SCN11A: variants seen among roughly 807,000 people sequenced by gnomAD.
SCN11A encodes the protein sodium voltage-gated channel alpha subunit 11.
SCN11A carries 122 observed loss-of-function variants against 162.2 expected under a neutral mutation model. The ratio of observed to expected loss-of-function variants is 0.75; its 90% CI spans 0.65 to 0.87. The LOEUF (loss-of-function observed/expected upper bound fraction) is 0.87, where lower values mean the gene tolerates loss of function less well. Among genes scored for constraint, SCN11A ranks in the 40% least tolerant of loss-of-function variants. The pLI is 0.00. For synonymous variants in SCN11A, 758 were observed against 751.5 expected (o/e 1.01, Z -0.14); for missense variants, 2,015 against 2,181.6 (o/e 0.92, Z 1.52).
At chr3:39,044,370 A>AGCTG (rs1307829970) in intron 1 of SCN11A, among the ~76,000 whole-genome samples, 5 of 152,186 alleles carry the variant, frequency 3.3e-5, no homozygotes, top group African/African-American at 4.8e-5. Context: ...CAGAATACAC[A>AGCTG]TTCTTTTCAT....
chr3:38,963,387 GATGGAGATATATATAT>G (rs2066757143), intron 2 of SCN11A, among the ~76,000 whole-genome samples: 1 of 48,692 alleles, frequency 2.1e-5, no homozygotes, highest in Admixed American at 2.3e-4. Flanking sequence ...ATATATATAT[GATGGAGATATATATAT>G]ATATATATAT....
chr3:38,939,734 T>G (rs926148320), intron 7 of SCN11A, among the ~76,000 whole-genome samples: 1 of 151,928 alleles, frequency 6.6e-6, no homozygotes, highest in African/African-American at 2.4e-5. Context: ...AGAAACCCCA[T>G]CTCTACTAAA....
At chr3:38,903,805 G>T in intron 16 of SCN11A, 60 bp downstream of exon 16, 1 of 1,306,416 alleles carries the variant, frequency 7.7e-7, no homozygotes, top group Non-Finnish European at 1.0e-6. Context: ...TTTAGACTTT[G>T]AAAAAGTTAT....
intron 1 of SCN11A, among the ~76,000 whole-genome samples, chr3:39,034,167 C>T (rs1330216620): frequency 6.6e-6 from 1 of 151,742 alleles, no homozygotes. Flanking sequence ...ATCTCAAAAA[C>T]AAAACAAAAC....
chr3:38,929,131 G>GCGTGCGCGCACACACA (rs774058202), intron 7 of SCN11A, among the ~76,000 whole-genome samples: 12 of 37,064 alleles, frequency 3.2e-4, no homozygotes, highest in South Asian at 1.8e-3. Context: ...CTGGGTCTGT[G>GCGTGCGCGCACACACA]CACGCACACA....
intron 24 of SCN11A, 93 bp from the exon 25 acceptor site, chr3:38,871,801 G>C: frequency 9.6e-7 from 1 of 1,037,136 alleles, no homozygotes; most frequent in Non-Finnish European, 1.4e-6. Context: ...TGCAGGGCTT[G>C]ATCTCTTGGA....
chr3:38,877,084 T>C (rs185449347), intron 23 of SCN11A, among the ~76,000 whole-genome samples: 3,263 of 42,522 alleles, frequency 0.077, 152 homozygotes, highest in African/African-American at 0.17. Context: ...GTGTATATAC[T>C]ATATATATGG....
chr3:38,868,437 T>G (rs1437514343), intron 26 of SCN11A, among the ~76,000 whole-genome samples: 1 of 152,204 alleles, frequency 6.6e-6, no homozygotes, highest in African/African-American at 2.4e-5. Context: ...CATTAGACAT[T>G]TAAAATAAAA....
intron 6 of SCN11A, among the ~76,000 whole-genome samples, chr3:38,946,018 AC>A: frequency 6.6e-6 from 1 of 152,058 alleles, no homozygotes; most frequent in East Asian, 1.9e-4. Context: ...AAATCTACCA[AC>A]CCATATCTTT....
chr3:39,012,416 CTCTT>C (rs372306710), intron 2 of SCN11A, among the ~76,000 whole-genome samples: 9,811 of 149,224 alleles, frequency 0.066, 1,201 homozygotes, highest in African/African-American at 0.23. Flanking sequence ...TCCTTCCTTG[CTCTT>C]TCTTTCTTTC....
At chr3:38,873,837 T>A (rs1178294308) in intron 23 of SCN11A, among the ~76,000 whole-genome samples, 1 of 152,234 alleles carries the variant, frequency 6.6e-6, no homozygotes, top group African/African-American at 2.4e-5. Flanking sequence ...TTTATCACTC[T>A]GCACTGTTTT....
At chr3:38,935,381 C>A (rs1243597343) in intron 7 of SCN11A, among the ~76,000 whole-genome samples, 1 of 152,068 alleles carries the variant, frequency 6.6e-6, no homozygotes, top group Non-Finnish European at 1.5e-5. Flanking sequence ...AAAATCAGAG[C>A]AGAACTGAAG....
chr3:38,881,603 A>C (rs1170935079), intron 22 of SCN11A, among the ~76,000 whole-genome samples: 2 of 152,184 alleles, frequency 1.3e-5, no homozygotes, highest in Admixed American at 6.5e-5. Context: ...AATGAACCCC[A>C]AATCACCTAG....
At chr3:39,040,005 G>A (rs1160988588) in intron 1 of SCN11A, among the ~76,000 whole-genome samples, 2 of 152,162 alleles carry the variant, frequency 1.3e-5, no homozygotes, top group Non-Finnish European at 2.9e-5. Flanking sequence ...CCCTCTAGAG[G>A]TAGAGACATC....
At position 38,960,322 on chromosome 3, in the gene SCN11A, C is replaced by T. The variant is rs760790820; in HGVS notation, c.-178G>A. Among the ~76,000 whole-genome samples, 2 of 152,170 alleles carry T rather than the reference C, an allele frequency of 1.3e-5. No individual in the cohort carries two copies. The highest frequency in any genetic ancestry group is 2.9e-5 in the Non-Finnish European group (2 of 68,036). ...AGGTGGCTCCAGACAGCAATCCCAG[C>T]GATACTTCTTGAAGCTCTCCACAGA... On this transcript the variant is annotated 5_prime_UTR_variant, in exon 3 of 30. Transcript: ENST00000302328.
At chr3:38,863,001 T>C (rs982592798) in intron 28 of SCN11A, among the ~76,000 whole-genome samples, 194 bp downstream of exon 28, 2 of 152,126 alleles carry the variant, frequency 1.3e-5, no homozygotes, top group East Asian at 3.8e-4. Context: ...AAAAATAAAT[T>C]TAAGTTGTTG....
chr3:39,046,159 C>G (rs1356982145), intron 1 of SCN11A, among the ~76,000 whole-genome samples: 2 of 152,100 alleles, frequency 1.3e-5, no homozygotes, highest in Admixed American at 6.5e-5. Flanking sequence ...ACTCAGGAAG[C>G]TGGGGCATGA....
intron 17 of SCN11A, 35 bp from the exon 18 acceptor site, chr3:38,897,260 A>C: frequency 6.4e-7 from 1 of 1,555,718 alleles, no homozygotes; most frequent in Non-Finnish European, 8.7e-7. Context: ...AATGGAAGAA[A>C]AGCCAGTTAA....
At chr3:38,955,089 G>C (rs2066665676) in intron 3 of SCN11A, among the ~76,000 whole-genome samples, 1 of 152,204 alleles carries the variant, frequency 6.6e-6, no homozygotes, top group African/African-American at 2.4e-5. Flanking sequence ...AGGGGTTTGA[G>C]ACCAGCCTGG....
Sources: gnomAD v4.1 joint callset for allele counts (sites outside exome capture counted in the v4.1 genomes callset) on GRCh38, gnomAD v4.1.1 for gene constraint, MANE v1.5 for transcripts, NCBI Gene and HGNC (gene_info 2026-07-23, HGNC 2026-07-21) for gene names.